Variants in DCLK1 observed in about 807,000 individuals in gnomAD.
DCLK1 encodes the protein serine/threonine-protein kinase DCLK1.
Under a neutral mutation model 86.2 loss-of-function variants are expected in DCLK1, and 16 were observed. That is an observed-to-expected ratio of 0.19 (90% CI 0.13 to 0.28). DCLK1 has a LOEUF of 0.28. Ranked by LOEUF, DCLK1 falls within the 10% of genes least tolerant of loss-of-function variation. The pLI is 1.00. For synonymous variants in DCLK1, 369 were observed against 370.5 expected (o/e 1.00, Z 0.05); for missense variants, 590 against 940.2 (o/e 0.63, Z 4.87).
At chr13:36,067,493 G>C (rs1403346555) in intron 3 of DCLK1, among the ~76,000 whole-genome samples, 1 of 148,670 alleles carries the variant, frequency 6.7e-6, no homozygotes, top group African/African-American at 2.5e-5. Flanking sequence ...CACCAGCATG[G>C]CACATGTATA....
At chr13:35,984,184 A>G (rs1466207068) in intron 3 of DCLK1, among the ~76,000 whole-genome samples, 2 of 152,036 alleles carry the variant, frequency 1.3e-5, no homozygotes, top group Non-Finnish European at 2.9e-5. Context: ...TGTTTGCTTG[A>G]CCCCTAGGGT....
intron 3 of DCLK1, among the ~76,000 whole-genome samples, chr13:35,972,016 G>C (rs1447872140): frequency 3.3e-5 from 5 of 152,106 alleles, no homozygotes; most frequent in Non-Finnish European, 7.4e-5. Context: ...ACTCCCAGGA[G>C]CTTCTCCTTT....
intron 3 of DCLK1, among the ~76,000 whole-genome samples, chr13:36,102,713 AAG>A (rs1220179449): frequency 6.6e-6 from 1 of 152,240 alleles, no homozygotes; most frequent in Non-Finnish European, 1.5e-5. Flanking sequence ...CTTTTTTTCT[AAG>A]AGGATTCTAG....
intron 2 of DCLK1, among the ~76,000 whole-genome samples, chr13:36,121,073 A>C (rs1296186437): frequency 6.6e-6 from 1 of 152,202 alleles, no homozygotes; most frequent in East Asian, 1.9e-4. Flanking sequence ...TAGTCATCAC[A>C]CAACTGTCTG....
intron 3 of DCLK1, among the ~76,000 whole-genome samples, chr13:35,961,631 C>A (rs1052043551): frequency 6.6e-6 from 1 of 152,174 alleles, no homozygotes; most frequent in Non-Finnish European, 1.5e-5. Flanking sequence ...AAGTACCTGA[C>A]AAGTAGATGA....
At chr13:35,890,219 A>G (rs1267605026) in intron 4 of DCLK1, among the ~76,000 whole-genome samples, 6 of 152,186 alleles carry the variant, frequency 3.9e-5, no homozygotes, top group African/African-American at 1.2e-4. Context: ...CGCTATAGAT[A>G]ACAATTTCTT....
chr13:35,985,387 CAAACA>C (rs1879851215), intron 3 of DCLK1, among the ~76,000 whole-genome samples: 1 of 137,470 alleles, frequency 7.3e-6, no homozygotes, highest in Non-Finnish European at 1.6e-5. Flanking sequence ...GAAAAACAAA[CAAACA>C]AAAAAAAAAA....
chr13:35,841,647 G>A (rs937211667), intron 6 of DCLK1, among the ~76,000 whole-genome samples: 2 of 152,094 alleles, frequency 1.3e-5, no homozygotes, highest in Admixed American at 6.6e-5. Flanking sequence ...CAAATTTTCT[G>A]CTGCTTGAGA....
chr13:36,008,141 T>G (rs1881077751), intron 3 of DCLK1, among the ~76,000 whole-genome samples: 1 of 102,044 alleles, frequency 9.8e-6, no homozygotes, highest in Non-Finnish European at 1.9e-5. Flanking sequence ...TCTCTAAAAT[T>G]TTTTTTTTTT....
intron 3 of DCLK1, among the ~76,000 whole-genome samples, chr13:36,031,468 T>C (rs1311123956): frequency 6.6e-6 from 1 of 152,204 alleles, no homozygotes; most frequent in African/African-American, 2.4e-5. Context: ...TGTACGTACA[T>C]ATATATGTGT....
chr13:36,111,622 A>G (rs1381571232), intron 3 of DCLK1, among the ~76,000 whole-genome samples: 1 of 152,232 alleles, frequency 6.6e-6, no homozygotes, highest in Non-Finnish European at 1.5e-5. Context: ...TAATAAATGA[A>G]CAAGTAGAAA....
At chr13:35,845,846 CA>C in intron 6 of DCLK1, 1 of 882,256 alleles carries the variant, frequency 1.1e-6, no homozygotes, top group Non-Finnish European at 1.4e-6. Context: ...GTGGTCATTT[CA>C]ATTTCAGTGT....
At chr13:36,090,993 G>A (rs894962480) in intron 3 of DCLK1, among the ~76,000 whole-genome samples, 4 of 152,184 alleles carry the variant, frequency 2.6e-5, no homozygotes, top group Admixed American at 1.3e-4. Context: ...ATCTTCTTTT[G>A]AGAAGTGTCT....
At position 35,836,152 on chromosome 13, in the gene DCLK1, C is replaced by A. The variant is rs111449955; in HGVS notation, c.1121-11G>T. On this transcript the variant is annotated splice_polypyrimidine_tract_variant and intron_variant, in intron 7 of 16. Coordinates refer to ENST00000360631, the MANE Select transcript of DCLK1 (RefSeq NM_001330071.2). ...CTTCCTCCGACACTTCTGAAAGAAT[C>A]ATTAATACTTTTTTATTGGTTGAAA... 2.1e-4 allele frequency: 339 copies of A among 1,596,442 alleles called. 1 individual carries two copies. In the African/African-American group the frequency reaches 3.8e-3, roughly 18 times the overall value.
intron 5 of DCLK1, among the ~76,000 whole-genome samples, chr13:35,863,707 A>G (rs1192416989): frequency 6.6e-6 from 1 of 152,220 alleles, no homozygotes; most frequent in African/African-American, 2.4e-5. Context: ...TCTCTACACT[A>G]AAGGAAAAGA....
In DCLK1 at chr13:36,051,059, A is replaced by G. The variant is rs571863233; in HGVS notation, c.723+60810T>C. On this transcript the variant is annotated intron_variant, in intron 3 of 16. Coordinates refer to ENST00000360631, the MANE Select transcript of DCLK1 (RefSeq NM_001330071.2). ...CACATTTCACTCCACCCCAAACACT[A>G]AAGTGCTTAAGGGCCAAAGTACAAC... 5.3e-5 allele frequency among the ~76,000 whole-genome samples: 8 copies of G among 152,330 alleles called. No individual in the cohort carries two copies. In the East Asian group the frequency reaches 9.6e-4, roughly 18 times the overall value.
chr13:36,026,372 C>A (rs1432517000), intron 3 of DCLK1, among the ~76,000 whole-genome samples: 1 of 152,148 alleles, frequency 6.6e-6, no homozygotes, highest in Admixed American at 6.5e-5. Context: ...AACTACAACC[C>A]AACCCACAGC....
At chr13:36,104,549 G>A (rs753551101) in intron 3 of DCLK1, among the ~76,000 whole-genome samples, 1 of 152,124 alleles carries the variant, frequency 6.6e-6, no homozygotes. Flanking sequence ...GAAATGAGTA[G>A]GTTCTTGCTT....
At chr13:35,789,908 A>G (rs920827709) in intron 16 of DCLK1, among the ~76,000 whole-genome samples, 9 of 151,600 alleles carry the variant, frequency 5.9e-5, no homozygotes, top group African/African-American at 2.2e-4. Flanking sequence ...AAATCCCCCA[A>G]CTACTGAGAA....
Sources: gnomAD v4.1 joint callset for allele counts (sites outside exome capture counted in the v4.1 genomes callset) on GRCh38, gnomAD v4.1.1 for gene constraint, MANE v1.5 for transcripts, NCBI Gene and HGNC (gene_info 2026-07-23, HGNC 2026-07-21) for gene names.